The following DLGAP2 variants were observed in gnomAD, a reference collection of about 807,000 sequenced individuals.
DLGAP2 encodes the protein disks large-associated protein 2.
A neutral mutation model predicts 100.3 loss-of-function variants in DLGAP2; 26 were observed. The ratio of observed to expected loss-of-function variants is 0.26; its 90% CI spans 0.19 to 0.36. DLGAP2 has a LOEUF of 0.36. Among genes scored for constraint, DLGAP2 ranks in the 10% least tolerant of loss-of-function variants. DLGAP2 has a pLI of 1.00. For synonymous variants in DLGAP2, 886 were observed against 630.1 expected, an observed-to-expected ratio of 1.41 and a Z score of -6.08; for missense variants, 1,858 against 1,453.2, an observed-to-expected ratio of 1.28 and a Z score of -4.53.
At chr8:1,632,774 G>C in intron 7 of DLGAP2, 53 bp from the exon 8 acceptor site, 1 of 1,529,212 alleles carries the variant, frequency 6.5e-7, no homozygotes, top group Non-Finnish European at 8.8e-7. Context: ...TTTCTGTAAC[G>C]TGATGGTGAC....
At chr8:1,482,644 C>A (rs553414449) in intron 3 of DLGAP2, among the ~76,000 whole-genome samples, 34 of 152,238 alleles carry the variant, frequency 2.2e-4, no homozygotes, top group Non-Finnish European at 4.8e-4. Flanking sequence ...CGCCCCCTCC[C>A]CACGGTTTCC....
intron 2 of DLGAP2, among the ~76,000 whole-genome samples, chr8:1,112,367 A>G (rs1240810855): frequency 6.7e-6 from 1 of 149,500 alleles, no homozygotes; most frequent in Non-Finnish European, 1.5e-5. Context: ...CAGCCTCCCG[A>G]TTAGCTGGGA....
chr8:1,327,688 C>T lies in DLGAP2; in HGVS notation c.106+68805C>T, dbSNP rs185976465. 5.5e-3 allele frequency among the ~76,000 whole-genome samples: 833 copies of T among 151,990 alleles called. 5 individuals carry two copies. Among genetic ancestry groups the T allele is most frequent in the African/African-American group, 0.019 (794 of 41,476 alleles). On this transcript the variant is annotated intron_variant, in intron 3 of 14. Coordinates refer to ENST00000637795, the MANE Select transcript of DLGAP2 (RefSeq NM_001346810.2). ...TGAAACCCCATCTCTACTAAAAATACAAAAAACTATCCGGGCGTCGTGGCG... is the reference window on the plus strand; with the variant it reads ...TGAAACCCCATCTCTACTAAAAATATAAAAAACTATCCGGGCGTCGTGGCG...
chr8:1,315,338 G>A (rs112342009), intron 3 of DLGAP2, among the ~76,000 whole-genome samples: 17,133 of 144,384 alleles, frequency 0.12, 1,494 homozygotes, highest in East Asian at 0.22. Context: ...CGAGAAACTC[G>A]GCAGCGTTTA....
chr8:1,701,063 T>A, intron 14 of DLGAP2, 125 bp from the exon 15 acceptor site: 2 of 812,252 alleles, frequency 2.5e-6, no homozygotes, highest in East Asian at 5.5e-5. Context: ...GGGACGGGAG[T>A]GAAGGATGCG....
At chr8:1,315,428 C>G (rs1470606283) in intron 3 of DLGAP2, among the ~76,000 whole-genome samples, 6 of 133,626 alleles carry the variant, frequency 4.5e-5, no homozygotes, top group Middle Eastern at 4.1e-3. Context: ...AAAAATAGAG[C>G]GTGTGCGAGT....
At chr8:1,083,349 G>C (rs2701945) in intron 2 of DLGAP2, among the ~76,000 whole-genome samples, 1 of 152,168 alleles carries the variant, frequency 6.6e-6, no homozygotes, top group Non-Finnish European at 1.5e-5. Flanking sequence ...CCAGCCTTTC[G>C]GAGAGGCAGG....
intron 2 of DLGAP2, among the ~76,000 whole-genome samples, chr8:1,226,596 G>A (rs1021807046): frequency 1.1e-4 from 16 of 152,242 alleles, no homozygotes; most frequent in South Asian, 4.2e-4. Flanking sequence ...CCTGAATGTC[G>A]TGTACATGTA....
At chr8:985,810 G>A (rs539292107) in intron 2 of DLGAP2, among the ~76,000 whole-genome samples, 1 of 152,172 alleles carries the variant, frequency 6.6e-6, no homozygotes, top group Non-Finnish European at 1.5e-5. Flanking sequence ...TGAGGGATGT[G>A]TGGTTCATTA....
At chr8:1,044,793 G>A (rs956538284) in intron 2 of DLGAP2, among the ~76,000 whole-genome samples, 2 of 152,154 alleles carry the variant, frequency 1.3e-5, no homozygotes, top group African/African-American at 4.8e-5. Context: ...AGCTACCCCA[G>A]ATCTTACCTC....
At chr8:1,338,177 C>G (rs1471732957) in intron 3 of DLGAP2, among the ~76,000 whole-genome samples, 2 of 152,220 alleles carry the variant, frequency 1.3e-5, no homozygotes, top group African/African-American at 2.4e-5. Context: ...GTGTGTATTC[C>G]TAAGCATTCA....
intron 2 of DLGAP2, among the ~76,000 whole-genome samples, chr8:1,023,857 A>ATGTGTGTGTGTGTGTG (rs149206104): frequency 0.054 from 6,997 of 128,764 alleles, 324 homozygotes; most frequent in Non-Finnish European, 0.063. Flanking sequence ...AACTTTATAT[A>ATGTGTGTGTGTGTGTG]TGTGTGTGTG....
chr8:764,458 T>G (rs765258458), intron 1 of DLGAP2, among the ~76,000 whole-genome samples: 2 of 152,186 alleles, frequency 1.3e-5, no homozygotes, highest in Non-Finnish European at 2.9e-5. Flanking sequence ...AAAAAAGAAC[T>G]ATCATTTTCT....
At chr8:1,499,991 G>A (rs1275743217) in intron 3 of DLGAP2, among the ~76,000 whole-genome samples, 1 of 139,486 alleles carries the variant, frequency 7.2e-6, no homozygotes, top group East Asian at 2.6e-4. Context: ...GGTGGGGGGG[G>A]TGGGGGCAAA....
chr8:1,652,433 T>C (rs1177863164), intron 8 of DLGAP2, among the ~76,000 whole-genome samples: 1 of 152,142 alleles, frequency 6.6e-6, no homozygotes, highest in East Asian at 1.9e-4. Flanking sequence ...TTGATTTATT[T>C]AGTGAAAAAA....
intron 2 of DLGAP2, among the ~76,000 whole-genome samples, chr8:960,252 T>TTTTTTTTTTTTTTTTTTTTTTTTTA: frequency 1.4e-5 from 2 of 142,018 alleles, no homozygotes; most frequent in East Asian, 2.1e-4. Flanking sequence ...TTTTTTTTTT[T>TTTTTTTTTTTTTTTTTTTTTTTTTA]CCCGAGACAC....
chr8:1,488,133 C>T (rs1014428544), intron 3 of DLGAP2, among the ~76,000 whole-genome samples: 4 of 152,166 alleles, frequency 2.6e-5, no homozygotes, highest in Non-Finnish European at 5.9e-5. Context: ...GCAGAGCCTC[C>T]GTTGAACAGC....
chr8:969,837 A>C (rs986064752), intron 2 of DLGAP2, among the ~76,000 whole-genome samples: 1 of 152,156 alleles, frequency 6.6e-6, no homozygotes, highest in African/African-American at 2.4e-5. Context: ...GTAGACTTAA[A>C]GTGATGGGGA....
chr8:1,414,342 A>C (rs907048793), intron 3 of DLGAP2, among the ~76,000 whole-genome samples: 1 of 152,240 alleles, frequency 6.6e-6, no homozygotes, highest in Middle Eastern at 3.2e-3. Flanking sequence ...TGAAGGCTGT[A>C]GCCAGGGAGA....
Sources: allele counts gnomAD v4.1 joint callset (sites outside exome capture counted in the v4.1 genomes callset), GRCh38; gene constraint gnomAD v4.1.1; transcripts MANE v1.5; gene names NCBI Gene and HGNC (gene_info 2026-07-23, HGNC 2026-07-21).